Variants in FOXN3 observed in about 807,000 individuals in gnomAD.
FOXN3 encodes forkhead box N3, also known as forkhead box protein N3.
In FOXN3, 7 loss-of-function variants were observed where a neutral mutation model predicts 38.4. That is an observed-to-expected ratio of 0.18 (90% confidence interval 0.10 to 0.34). The LOEUF (loss-of-function observed/expected upper bound fraction) is 0.34, where lower values mean the gene tolerates loss of function less well. Ranked by LOEUF, FOXN3 falls within the 10% of genes least tolerant of loss-of-function variation. The pLI, the probability that FOXN3 is intolerant of heterozygous loss-of-function variation, is 1.00. For synonymous variants in FOXN3, 230 were observed against 242.2 expected, an observed-to-expected ratio of 0.95 and a Z score of 0.47; for missense variants, 456 against 613.4, an observed-to-expected ratio of 0.74 and a Z score of 2.71.
chr14:89,462,553 G>A (rs1291352906), intron 1 of FOXN3, among the ~76,000 whole-genome samples: 1 of 152,094 alleles, frequency 6.6e-6, no homozygotes, highest in Non-Finnish European at 1.5e-5. Flanking sequence ...AAGGTCAATG[G>A]GCCACATCTG....
chr14:89,471,201 T>C (rs753127614), intron 1 of FOXN3, among the ~76,000 whole-genome samples: 27 of 152,172 alleles, frequency 1.8e-4, no homozygotes, highest in Non-Finnish European at 2.1e-4. Flanking sequence ...TATGGGCACC[T>C]ACCTAGACCC....
intron 4 of FOXN3, among the ~76,000 whole-genome samples, chr14:89,253,137 C>T (rs1412813600): frequency 6.6e-6 from 1 of 152,182 alleles, no homozygotes; most frequent in Non-Finnish European, 1.5e-5. Context: ...TCCCTCCTGC[C>T]CCAGGTTGTC....
At chr14:89,466,895 C>A (rs1304523458) in intron 1 of FOXN3, among the ~76,000 whole-genome samples, 1 of 152,204 alleles carries the variant, frequency 6.6e-6, no homozygotes, top group Non-Finnish European at 1.5e-5. Context: ...AAAAGTAAGG[C>A]AGAAGAAAGG....
At chr14:89,313,662 A>C (rs1302110599) in intron 3 of FOXN3, among the ~76,000 whole-genome samples, 2 of 145,024 alleles carry the variant, frequency 1.4e-5, no homozygotes, top group African/African-American at 5.3e-5. Flanking sequence ...GTGTGGGTAA[A>C]GTCACATGTG....
At chr14:89,312,113 C>T (rs1436617631) in intron 3 of FOXN3, among the ~76,000 whole-genome samples, 2 of 151,476 alleles carry the variant, frequency 1.3e-5, no homozygotes, top group African/African-American at 4.9e-5. Context: ...GGTGAAACCC[C>T]ATCTCTACTA....
At chr14:89,240,058 G>C (rs1885097377) in intron 4 of FOXN3, among the ~76,000 whole-genome samples, 1 of 152,194 alleles carries the variant, frequency 6.6e-6, no homozygotes, top group African/African-American at 2.4e-5. Flanking sequence ...CCTTTACTAA[G>C]TATCAAAAAG....
intron 1 of FOXN3, among the ~76,000 whole-genome samples, chr14:89,433,003 C>A (rs1892194870): frequency 6.6e-6 from 1 of 152,166 alleles, no homozygotes; most frequent in African/African-American, 2.4e-5. Flanking sequence ...TTTTCAAGGG[C>A]TACTAATCAT....
intron 4 of FOXN3, among the ~76,000 whole-genome samples, chr14:89,200,668 C>T (rs761787163): frequency 3.9e-5 from 6 of 152,240 alleles, no homozygotes; most frequent in Admixed American, 1.3e-4. Flanking sequence ...TTAATTCTAA[C>T]GTCCTTTTCG....
chr14:89,563,759 C>T (rs529623408), intron 1 of FOXN3, among the ~76,000 whole-genome samples: 7 of 152,204 alleles, frequency 4.6e-5, no homozygotes, highest in Non-Finnish European at 8.8e-5. Flanking sequence ...GGGGCAATTG[C>T]AGGAAATACT....
At chr14:89,566,755 CCCT>C (rs71107531) in intron 1 of FOXN3, among the ~76,000 whole-genome samples, 71,318 of 148,786 alleles carry the variant, frequency 0.48, 19,480 homozygotes, top group Non-Finnish European at 0.63. Flanking sequence ...CTTTACCATT[CCCT>C]CCTCCTCCTC....
At chr14:89,554,321 A>G (rs1045939273) in intron 1 of FOXN3, among the ~76,000 whole-genome samples, 4 of 152,008 alleles carry the variant, frequency 2.6e-5, no homozygotes, top group Non-Finnish European at 5.9e-5. Context: ...GATTTTTTCT[A>G]GAGATGAGGT....
rs968801327 is a variant in FOXN3 at position 89,161,514 on chromosome 14, G to C, written c.*900C>G. 2 of 150,268 alleles carry C rather than the reference G, an allele frequency of 1.3e-5. No homozygotes were observed. The highest frequency in any genetic ancestry group is 4.9e-5 in the African/African-American group (2 of 40,502). The allele number at this position is 150,268 out of a possible 1,614,324, so 9.3% of individuals were successfully genotyped here. A position where few individuals can be genotyped will look rare whatever the true frequency, so the allele number is the denominator to read the frequency against. ...TGCTTTTCACTTGGGCAGTTAAGAA[G>C]ACACAGCTTGTTTTCCCCATCAGTT... On this transcript the variant is annotated 3_prime_UTR_variant, in exon 6 of 6. Coordinates refer to ENST00000557258, the MANE Select transcript of FOXN3 (RefSeq NM_005197.4).
At chr14:89,301,841 C>T (rs1453327477) in intron 3 of FOXN3, among the ~76,000 whole-genome samples, 24 of 152,162 alleles carry the variant, frequency 1.6e-4, no homozygotes, top group Admixed American at 1.4e-3. Flanking sequence ...TGGGCATCAG[C>T]GCCTTAACCA....
upstream of FOXN3, among the ~76,000 whole-genome samples, chr14:89,420,870 A>C (rs545935359): frequency 7.0e-6 from 1 of 141,946 alleles, no homozygotes; most frequent in Admixed American, 7.4e-5. Flanking sequence ...AAGTTGTATT[A>C]TCAGAGATAC....
At chr14:89,595,324 C>CAA (rs57598981) in intron 1 of FOXN3, among the ~76,000 whole-genome samples, 1 of 137,256 alleles carries the variant, frequency 7.3e-6, no homozygotes, top group South Asian at 2.3e-4. Context: ...GATTCCATCT[C>CAA]AAAAAAAAAA....
At chr14:89,494,393 T>C (rs1000547098) in intron 1 of FOXN3, among the ~76,000 whole-genome samples, 4 of 152,210 alleles carry the variant, frequency 2.6e-5, no homozygotes, top group Non-Finnish European at 5.9e-5. Flanking sequence ...ACTAAATACA[T>C]ATGGTACACC....
rs756564144 is a variant in FOXN3, at chr14:89,162,513, C to T, written c.1308G>A (p.Gly436=). Residue 436 remains glycine, a synonymous_variant, in exon 6 of 6, where the codon GGG becomes GGA. Coordinates refer to ENST00000557258, the MANE Select transcript of FOXN3 (RefSeq NM_005197.4). This position sits in a 1 kb window ranked among gnomAD's most constrained non-coding sequence, Gnocchi z 7.2. Reference sequence around the variant, plus strand: ...GGATCCCTGCTAAGTGCAGGAGGGACCCTGCCGCTTCTTTCATCTCCTCAT... The same window carrying T: ...GGATCCCTGCTAAGTGCAGGAGGGATCCTGCCGCTTCTTTCATCTCCTCAT... ...SDDEEMKEAA[G]SLLHLAGIRS... The T allele has an allele frequency of 2.5e-6, 4 of 1,613,596 alleles. No individual in the cohort carries two copies. Among genetic ancestry groups the T allele is most frequent in the Non-Finnish European group, 3.4e-6 (4 of 1,179,950 alleles).
At chr14:89,608,429 C>A (rs1266032300) in intron 1 of FOXN3, among the ~76,000 whole-genome samples, 1 of 152,282 alleles carries the variant, frequency 6.6e-6, no homozygotes, top group Non-Finnish European at 1.5e-5. Flanking sequence ...CGTGGGCCAC[C>A]GCGCCCGGCC....
At chr14:89,242,866 C>G (rs1438482865) in intron 4 of FOXN3, among the ~76,000 whole-genome samples, 1 of 152,228 alleles carries the variant, frequency 6.6e-6, no homozygotes, top group Non-Finnish European at 1.5e-5. Flanking sequence ...CCAAAACACT[C>G]TCGTGAAAGA....
Sources: gnomAD v4.1 joint callset for allele counts (sites outside exome capture counted in the v4.1 genomes callset) on GRCh38, gnomAD v4.1.1 for gene constraint, Gnocchi (gnomAD v3.1) non-coding constraint, MANE v1.5 for transcripts, NCBI Gene and HGNC (gene_info 2026-07-23, HGNC 2026-07-21) for gene names.